Variants in LARP4B observed in about 807,000 individuals in gnomAD.
LARP4B encodes la-related protein 4B.
LARP4B carries 12 observed loss-of-function variants against 89.8 expected under a neutral mutation model. The observed-to-expected ratio is 0.13, with a 90% CI of 0.09 to 0.22. The LOEUF is 0.22. Among genes scored for constraint, LARP4B ranks in the 10% least tolerant of loss-of-function variants. The pLI, the probability that LARP4B is intolerant of heterozygous loss-of-function variation, is 1.00. For missense variants in LARP4B, 757 were observed against 947.7 expected, an observed-to-expected ratio of 0.80 and a Z score of 2.64; for synonymous variants, 367 against 363.3, an observed-to-expected ratio of 1.01 and a Z score of -0.12.
chr10:979,241 C>T, the LARP4B span, among the ~76,000 whole-genome samples: 1 of 152,154 alleles, frequency 6.6e-6, no homozygotes. Context: ...CTCAATCCTA[C>T]CGGTCTTCTC....
chr10:851,992 G>A (rs545492913), intron 5 of LARP4B, among the ~76,000 whole-genome samples: 1 of 152,296 alleles, frequency 6.6e-6, no homozygotes, highest in African/African-American at 2.4e-5. Context: ...CCTGAGACCG[G>A]GAGGTTGGGA....
chr10:827,275 C>CAAACAAAAGAAAAAAA (rs58903055), intron 11 of LARP4B, among the ~76,000 whole-genome samples: 1 of 151,090 alleles, frequency 6.6e-6, no homozygotes, highest in Non-Finnish European at 1.5e-5. Flanking sequence ...GACTCTGTCT[C>CAAACAAAAGAAAAAAA]AAAGAAAAAG....
chr10:985,280 A>C, the LARP4B span: 1 of 152,280 alleles, frequency 6.6e-6, no homozygotes, highest in Non-Finnish European at 1.5e-5. Context: ...TATTATTGTA[A>C]CTAAGCAGCT....
chr10:855,576 C>A lies in LARP4B; in HGVS notation c.430+8167G>T, dbSNP rs573704918. ...AAGTTTGCCACCTTAAATGGTGTGG[C>A]TCCTGGCACCCCAAAACAATGGCAG... is the stretch of plus-strand genomic sequence containing the variant. On this transcript the variant is annotated intron_variant, in intron 5 of 17. Transcript: ENST00000316157. Among the ~76,000 whole-genome samples, 63 of 152,238 alleles carry A rather than the reference C, an allele frequency of 4.1e-4. No homozygotes were observed. In the South Asian group the frequency reaches 0.013, roughly 31 times the overall value.
the LARP4B span, among the ~76,000 whole-genome samples, chr10:977,051 C>A: frequency 2.0e-5 from 3 of 152,204 alleles, no homozygotes; most frequent in Non-Finnish European, 2.9e-5. Context: ...ACTTGAGGAA[C>A]AGATCTTTCA....
intron 1 of LARP4B, among the ~76,000 whole-genome samples, chr10:887,028 A>T (rs1046962733): frequency 4.6e-5 from 7 of 152,158 alleles, no homozygotes; most frequent in African/African-American, 1.7e-4. Context: ...CAGGGGTTGC[A>T]GTGAGCTGAG....
the LARP4B span, among the ~76,000 whole-genome samples, chr10:956,557 G>C: frequency 3.9e-5 from 6 of 152,066 alleles, no homozygotes; most frequent in Admixed American, 1.3e-4. This position sits in a 1 kb window ranked among gnomAD's most constrained non-coding sequence, Gnocchi z 4.3. Context: ...GTGTTAGCCA[G>C]GATGGTCTCG....
chr10:856,010 C>T (rs1295416118), intron 5 of LARP4B, among the ~76,000 whole-genome samples: 1 of 152,232 alleles, frequency 6.6e-6, no homozygotes, highest in Non-Finnish European at 1.5e-5. Context: ...CTGCAGATTC[C>T]TATGCACAAA....
At chr10:938,229 A>C in the LARP4B span, among the ~76,000 whole-genome samples, 303 of 144,602 alleles carry the variant, frequency 2.1e-3, 2 homozygotes, top group African/African-American at 7.2e-3. Flanking sequence ...ACCAAGGCTA[A>C]ATTTCTTGAA....
At chr10:930,366 T>A (rs1332342195) in intron 1 of LARP4B, among the ~76,000 whole-genome samples, 3 of 152,224 alleles carry the variant, frequency 2.0e-5, no homozygotes, top group African/African-American at 7.2e-5. Flanking sequence ...TCCTGTTTTC[T>A]CAGTTATCCA....
At chr10:904,280 G>A (rs1165624761) in intron 1 of LARP4B, among the ~76,000 whole-genome samples, 1 of 152,128 alleles carries the variant, frequency 6.6e-6, no homozygotes, top group Non-Finnish European at 1.5e-5. Context: ...TAGGCCGGGT[G>A]CAGTGGCTCA....
chr10:904,931 T>C (rs1053475181), intron 1 of LARP4B, among the ~76,000 whole-genome samples: 4 of 152,260 alleles, frequency 2.6e-5, no homozygotes, highest in African/African-American at 7.2e-5. Context: ...GATGGTGACA[T>C]CTTTGCTTTC....
intron 11 of LARP4B, 58 bp downstream of exon 11, chr10:829,327 C>T: frequency 7.2e-7 from 1 of 1,397,276 alleles, no homozygotes; most frequent in Non-Finnish European, 9.6e-7. Flanking sequence ...GATTTTAATC[C>T]TTCAAATTAT....
rs1421889909 is a variant in LARP4B at position 811,081 on chromosome 10, C to T, written c.*1845G>A. 6.6e-6 allele frequency: 1 copy of T among 152,588 alleles called. No individual in the cohort carries two copies. The highest frequency in any genetic ancestry group is 6.5e-5 in the Admixed American group (1 of 15,292). 9.5% of individuals were successfully genotyped at this position (152,588 alleles called of 1,614,324 possible). A position where few individuals can be genotyped will look rare whatever the true frequency, so the allele number is the denominator to read the frequency against. On this transcript the variant is annotated 3_prime_UTR_variant, in exon 18 of 18. Coordinates refer to ENST00000316157, the MANE Select transcript of LARP4B (RefSeq NM_015155.3). The stretch of plus-strand genomic sequence containing the variant: ...GATATGATTAGTATGCATTTACATA[C>T]ATTTTAAAAGAGTATGAAAACATCT...
chr10:832,690 C>A (rs1286677102), intron 8 of LARP4B, among the ~76,000 whole-genome samples: 1 of 152,010 alleles, frequency 6.6e-6, no homozygotes, highest in Non-Finnish European at 1.5e-5. Flanking sequence ...GAGGAAAAAA[C>A]CCCCTCAATC....
intron 7 of LARP4B, among the ~76,000 whole-genome samples, chr10:841,514 T>C (rs945284201): frequency 6.6e-6 from 1 of 152,178 alleles, no homozygotes; most frequent in Admixed American, 6.5e-5. Flanking sequence ...ATCCTCATGG[T>C]TGGTGGAAAC....
intron 11 of LARP4B, among the ~76,000 whole-genome samples, chr10:828,271 G>C (rs1282683230): frequency 6.6e-6 from 1 of 152,132 alleles, no homozygotes; most frequent in Non-Finnish European, 1.5e-5. Flanking sequence ...ACTTCTCTTT[G>C]ATTCCTTCTG....
Position 814,008 on chromosome 10 carries a change from G to A in LARP4B, c.1929+734C>T, listed in dbSNP as rs1397869403. 2.6e-5 allele frequency among the ~76,000 whole-genome samples: 4 copies of A among 152,088 alleles called. No homozygotes were observed. Among genetic ancestry groups the A allele is most frequent in the Non-Finnish European group, 1.5e-5 (1 of 67,994 alleles). ...AGTAGAGACAGGGTTTCACCATGTT[G>A]TTCAGGACTGTCTGGATCTCCTGAC... On this transcript the variant is annotated intron_variant, in intron 17 of 17. Transcript: ENST00000316157. This position sits in a 1 kb window ranked among gnomAD's most constrained non-coding sequence, Gnocchi z 4.4.
At chr10:869,986 T>A (rs1239752403) in intron 3 of LARP4B, 1 of 835,506 alleles carries the variant, frequency 1.2e-6, no homozygotes, top group South Asian at 5.5e-5. Context: ...CGCAGCACAA[T>A]AGTAAACACA....
Sources: gnomAD v4.1 joint callset for allele counts (sites outside exome capture counted in the v4.1 genomes callset) on GRCh38, gnomAD v4.1.1 for gene constraint, Gnocchi (gnomAD v3.1) non-coding constraint, MANE v1.5 for transcripts, NCBI Gene and HGNC (gene_info 2026-07-23, HGNC 2026-07-21) for gene names.